The following MORC3 variants were observed in gnomAD, a reference collection of about 807,000 sequenced individuals.
MORC3 encodes the protein MORC family CW-type zinc finger protein 3.
In MORC3, 31 loss-of-function variants were observed where a neutral mutation model predicts 109.1. The ratio of observed to expected loss-of-function variants is 0.28; its 90% confidence interval spans 0.21 to 0.38. MORC3 has a LOEUF of 0.38. Ranked by LOEUF, MORC3 falls within the 10% of genes least tolerant of loss-of-function variation. The probability of loss-of-function intolerance (pLI) is 1.00; values close to 1 mark genes in which losing one functional copy is unlikely to be tolerated. For synonymous variants in MORC3, 395 were observed against 380.7 expected (o/e 1.04, Z -0.44); for missense variants, 867 against 1,135.8 (o/e 0.76, Z 3.40).
At chr21:36,366,716 A>G (rs1461032381) in intron 14 of MORC3, among the ~76,000 whole-genome samples, 2 of 152,212 alleles carry the variant, frequency 1.3e-5, no homozygotes, top group Non-Finnish European at 2.9e-5. Flanking sequence ...CGGCCTCCCA[A>G]AGTGCTGGGA....
At chr21:36,366,201 G>A (rs995534253) in intron 14 of MORC3, among the ~76,000 whole-genome samples, 1 of 151,906 alleles carries the variant, frequency 6.6e-6, no homozygotes, top group African/African-American at 2.4e-5. Context: ...TCTCCCCACT[G>A]TAGTGGTCCC....
intron 12 of MORC3, chr21:36,360,769 C>G (rs1022740277): frequency 6.3e-6 from 1 of 159,830 alleles, no homozygotes; most frequent in South Asian, 1.8e-4. Context: ...AGGGAATAAA[C>G]ATTTACTCAG....
chr21:36,332,968 T>G (rs1339489702), intron 1 of MORC3, among the ~76,000 whole-genome samples: 1 of 152,102 alleles, frequency 6.6e-6, no homozygotes, highest in Non-Finnish European at 1.5e-5. Context: ...TTTTGTATTT[T>G]TAGTAGAGAC....
In MORC3 at chr21:36,372,458, A is replaced by G. The variant is rs762671947; in HGVS notation, c.2593A>G (p.Asn865Asp). ...KTEVEQLKST[N>D]QQTATDVSTS... Reference sequence around the variant, plus strand: ...TGAAGTAGAACAGTTAAAATCTACAAATCAACAGACGGCAACAGATGTTTC... The same window carrying G: ...TGAAGTAGAACAGTTAAAATCTACAGATCAACAGACGGCAACAGATGTTTC... The change falls in exon 16 of 17, where the codon AAT becomes GAT. Residue 865 changes from asparagine (N) to aspartate (D), a missense_variant. By Grantham distance (23) the Asn-to-Asp change is conservative (BLOSUM62 1). Around this residue, in one of 7 missense-constraint regions of MORC3, gnomAD observed 486 missense variants for 502.1 expected, o/e 0.97. Coordinates refer to ENST00000400485, the MANE Select transcript of MORC3 (RefSeq NM_015358.3). 4.9e-5 allele frequency: 79 copies of G among 1,609,804 alleles called. No individual in the cohort carries two copies. In the Middle Eastern group the frequency reaches 5.0e-4, roughly 10 times the overall value.
At chr21:36,321,907 G>T (rs760241012) in intron 1 of MORC3, among the ~76,000 whole-genome samples, 1 of 152,162 alleles carries the variant, frequency 6.6e-6, no homozygotes, top group East Asian at 1.9e-4. Flanking sequence ...AGAGATAATG[G>T]TCAGTGTTTA....
chr21:36,354,455 C>T (rs2085621172), intron 9 of MORC3, among the ~76,000 whole-genome samples: 1 of 151,852 alleles, frequency 6.6e-6, no homozygotes, highest in African/African-American at 2.4e-5. Context: ...CAGGCACACG[C>T]CATCACGCCC....
chr21:36,341,408 T>C lies in MORC3; in HGVS notation c.618T>C (p.Asn206=). The change falls in exon 6 of 17, where the codon AAT becomes AAC. Residue 206 remains asparagine, a synonymous_variant. Coordinates refer to ENST00000400485, the MANE Select transcript of MORC3 (RefSeq NM_015358.3). ...IIIWNLRSYK[N]ATEFDFEKDK... ...AAAATTATTTTTACAGCTACAAAAA[T>C]GCAACAGAGTTCGATTTTGAAAAGG... is the stretch of plus-strand genomic sequence containing the variant. 6.3e-7 allele frequency: 1 copy of C among 1,598,162 alleles called. No individual in the cohort carries two copies. The highest frequency in any genetic ancestry group is 1.4e-5 in the African/African-American group (1 of 73,954).
At chr21:36,351,111 C>G (rs1173813747) in intron 9 of MORC3, among the ~76,000 whole-genome samples, 1 of 116,306 alleles carries the variant, frequency 8.6e-6, no homozygotes, top group Non-Finnish European at 1.6e-5. Flanking sequence ...TGTCACTAGG[C>G]TGGAGTGCAG....
intron 1 of MORC3, among the ~76,000 whole-genome samples, chr21:36,326,847 G>T (rs372670106): frequency 6.7e-6 from 1 of 149,578 alleles, no homozygotes; most frequent in African/African-American, 2.5e-5. Context: ...ACCGAGTCTC[G>T]CTCTGTCGCC....
chr21:36,330,605 A>C (rs531785006), intron 1 of MORC3, among the ~76,000 whole-genome samples: 1 of 152,334 alleles, frequency 6.6e-6, no homozygotes, highest in African/African-American at 2.4e-5. Flanking sequence ...GGCCATGGTC[A>C]CTCATATTTG....
At chr21:36,341,626 G>A in intron 6 of MORC3, 80 bp downstream of exon 6, 1 of 1,563,314 alleles carries the variant, frequency 6.4e-7, no homozygotes, top group Non-Finnish European at 8.7e-7. Context: ...TTACCTGCTT[G>A]TGATAGAAAG....
chr21:36,368,894 TTACAA>T, intron 14 of MORC3, 89 bp from the exon 15 acceptor site: 3 of 1,236,794 alleles, frequency 2.4e-6, no homozygotes, highest in Non-Finnish European at 3.3e-6. Flanking sequence ...AAAAAAACTG[TTACAA>T]TACTGCATTT....
At position 36,341,504 on chromosome 21, in the gene MORC3, A is replaced by C. The variant is rs1025660502; in HGVS notation, c.714A>C (p.Glu238Asp). 6 of 1,614,022 alleles carry C rather than the reference A, an allele frequency of 3.7e-6. No homozygotes were observed. In the Admixed American group the frequency reaches 5.0e-5, roughly 13 times the overall value. ...GGAAGAAGGGGTACAAGAAGCAGGAAAGGATGGACCAGATTGCCCCTGAGA... is the reference window on the plus strand; with the variant it reads ...GGAAGAAGGGGTACAAGAAGCAGGACAGGATGGACCAGATTGCCCCTGAGA... ...ITGKKGYKKQERMDQIAPESD... is the reference protein window; with the variant it reads ...ITGKKGYKKQDRMDQIAPESD... Residue 238 changes from glutamate (E) to aspartate (D), a missense_variant, in exon 6 of 17, where the codon GAA (glutamate) becomes GAC (aspartate). Coordinates refer to ENST00000400485, the MANE Select transcript of MORC3 (RefSeq NM_015358.3).
At chr21:36,323,441 G>C (rs1265467742) in intron 1 of MORC3, among the ~76,000 whole-genome samples, 2 of 152,096 alleles carry the variant, frequency 1.3e-5, no homozygotes, top group African/African-American at 4.8e-5. Flanking sequence ...AGGGCTGTGC[G>C]TGCCGTAGGT....
intron 8 of MORC3, chr21:36,348,255 C>T (rs539183854): frequency 6.6e-6 from 1 of 152,314 alleles, no homozygotes; most frequent in Admixed American, 6.5e-5. Flanking sequence ...GGATACCTAA[C>T]TTTGGGTAAA....
chr21:36,341,518 T>C lies in MORC3; in HGVS notation c.728T>C (p.Ile243Thr), dbSNP rs2085445401. 15 of 1,613,808 alleles carry C rather than the reference T, an allele frequency of 9.3e-6. No homozygotes were observed. Among genetic ancestry groups the C allele is most frequent in the Non-Finnish European group, 1.3e-5 (15 of 1,180,004 alleles). Residue 243 changes from isoleucine to threonine, a missense_variant, in exon 6 of 17, where the codon ATT (isoleucine) becomes ACT (threonine). Physicochemically the swap from Ile to Thr is moderately conservative, Grantham distance 89. This residue lies in a region of MORC3 where 134 missense variants were observed against 166.6 expected (regional missense o/e 0.80). Coordinates refer to ENST00000400485, the MANE Select transcript of MORC3 (RefSeq NM_015358.3). ...AAGAAGCAGGAAAGGATGGACCAGA[T>C]TGCCCCTGAGAGTGACTATTCCCTG... ...GYKKQERMDQ[I>T]APESDYSLRA...
rs1375093795 is a variant in MORC3 at position 36,360,085 on chromosome 21, A to G, written c.1331+8A>G. 1.2e-6 allele frequency: 2 copies of G among 1,614,056 alleles called. No individual in the cohort carries two copies. Among genetic ancestry groups the G allele is most frequent in the Admixed American group, 1.7e-5 (1 of 59,990 alleles). ...CCCTGACCCACAGTTCAGGTACCAT[A>G]GAGTTGGTAGTACCCTTTTTGGAAA... On this transcript the variant is annotated splice_region_variant and intron_variant, in intron 11 of 16. Transcript: ENST00000400485.
chr21:36,339,660 A>G (rs2085418321), intron 5 of MORC3: 1 of 152,198 alleles, frequency 6.6e-6, no homozygotes, highest in Admixed American at 6.5e-5. Flanking sequence ...GCTAAAATTT[A>G]TAATCCTTTA....
At chr21:36,328,219 T>C (rs1479164537) in intron 1 of MORC3, among the ~76,000 whole-genome samples, 3 of 152,006 alleles carry the variant, frequency 2.0e-5, no homozygotes, top group Non-Finnish European at 4.4e-5. Context: ...TTTGATATGA[T>C]CAAAAATGTA....
Sources: gnomAD v4.1 joint callset for allele counts (sites outside exome capture counted in the v4.1 genomes callset) on GRCh38, gnomAD v4.1.1 for gene constraint, gnomAD v4.1.1 regional missense constraint, MANE v1.5 for transcripts, NCBI Gene and HGNC (gene_info 2026-07-23, HGNC 2026-07-21) for gene names.